EPHA3: variants seen among roughly 807,000 people sequenced by gnomAD.
EPHA3 encodes ephrin type-A receptor 3.
A neutral mutation model predicts 107.1 loss-of-function variants in EPHA3; 42 were observed. That is an observed-to-expected ratio of 0.39 (90% CI 0.31 to 0.51). The LOEUF (loss-of-function observed/expected upper bound fraction) is 0.51. Among genes scored for constraint, EPHA3 ranks in the 20% least tolerant of loss-of-function variants. The probability of loss-of-function intolerance (pLI) is 0.78; values close to 1 mark genes in which losing one functional copy is unlikely to be tolerated. For missense variants in EPHA3, 1,183 were observed against 1,211.2 expected, an observed-to-expected ratio of 0.98 and a Z score of 0.35; for synonymous variants, 461 against 424.8, an observed-to-expected ratio of 1.09 and a Z score of -1.05.
intron 5 of EPHA3, among the ~76,000 whole-genome samples, chr3:89,383,740 C>A (rs1708558162): frequency 6.6e-6 from 1 of 150,828 alleles, no homozygotes; most frequent in Non-Finnish European, 1.5e-5. Flanking sequence ...GCTCCACCTC[C>A]CGGGTTCACG....
intron 3 of EPHA3, among the ~76,000 whole-genome samples, chr3:89,253,654 T>C (rs778751110): frequency 1.3e-5 from 2 of 152,158 alleles, no homozygotes; most frequent in Non-Finnish European, 2.9e-5. Flanking sequence ...GACATCCTTG[T>C]TTATAAATTT....
intron 2 of EPHA3, among the ~76,000 whole-genome samples, chr3:89,207,905 G>C (rs1164853896): frequency 1.3e-5 from 2 of 152,082 alleles, no homozygotes; most frequent in Admixed American, 1.3e-4. Context: ...CTAAAATTTA[G>C]CAAATGCCTA....
chr3:89,265,460 A>AT (rs1160447754), intron 3 of EPHA3, among the ~76,000 whole-genome samples: 2 of 152,146 alleles, frequency 1.3e-5, no homozygotes, highest in East Asian at 3.9e-4. Context: ...TTATTTTAAT[A>AT]TTTTTTGTAA....
At chr3:89,118,819 A>C (rs1233810992) in intron 1 of EPHA3, among the ~76,000 whole-genome samples, 1 of 152,018 alleles carries the variant, frequency 6.6e-6, no homozygotes, top group Non-Finnish European at 1.5e-5. Context: ...GAAGATGTCA[A>C]ATTCAATGGG....
chr3:89,472,545 G>A lies in EPHA3; in HGVS notation c.2772G>A (p.Trp924Ter). The change falls in exon 16 of 17, where the codon TGG becomes TGA. Residue 924 changes from tryptophan (W) to a stop codon, truncating the protein, a stop_gained. Coordinates refer to ENST00000336596, the MANE Select transcript of EPHA3 (RefSeq NM_005233.6). LOFTEE classifies it high-confidence loss of function. ...RTTGDWLNGV[W>*]TAHCKEIFTG... Reference sequence around the variant, plus strand: ...CAGGTGACTGGCTTAATGGTGTCTGGACAGCACACTGCAAGGAAATCTTCA... The same window carrying A: ...CAGGTGACTGGCTTAATGGTGTCTGAACAGCACACTGCAAGGAAATCTTCA... 1 of 1,614,056 alleles carries A rather than the reference G, an allele frequency of 6.2e-7. No homozygotes were observed. The highest frequency in any genetic ancestry group is 8.5e-7 in the Non-Finnish European group (1 of 1,180,008).
chr3:89,126,646 G>A (rs1174208557), intron 1 of EPHA3, among the ~76,000 whole-genome samples: 1 of 151,348 alleles, frequency 6.6e-6, no homozygotes, highest in Non-Finnish European at 1.5e-5. Context: ...CCTCAAATTG[G>A]TAGTTAAGCT....
intron 2 of EPHA3, among the ~76,000 whole-genome samples, chr3:89,207,588 G>A (rs1481991816): frequency 6.6e-6 from 1 of 151,818 alleles, no homozygotes; most frequent in Non-Finnish European, 1.5e-5. Context: ...AATAGAAATA[G>A]AAAAAACTGT....
At chr3:89,183,443 A>T (rs1705489488) in intron 2 of EPHA3, among the ~76,000 whole-genome samples, 1 of 151,832 alleles carries the variant, frequency 6.6e-6, no homozygotes, top group Admixed American at 6.6e-5. Context: ...CCTACCAAAT[A>T]CCCAAAGATA....
chr3:89,382,127 T>A (rs563277744), intron 5 of EPHA3, among the ~76,000 whole-genome samples: 2 of 152,240 alleles, frequency 1.3e-5, no homozygotes, highest in South Asian at 4.1e-4. Context: ...AGATTATATT[T>A]CTCTACTGCA....
chr3:89,126,391 C>T (rs1704097276), intron 1 of EPHA3, among the ~76,000 whole-genome samples: 1 of 151,564 alleles, frequency 6.6e-6, no homozygotes, highest in African/African-American at 2.4e-5. Context: ...ATTTTCTAAC[C>T]TATTACAAAT....
chr3:89,460,886 T>A (rs1710221564), intron 15 of EPHA3, among the ~76,000 whole-genome samples: 2 of 130,532 alleles, frequency 1.5e-5, no homozygotes, highest in Admixed American at 1.5e-4. Flanking sequence ...GCAGGTTAGT[T>A]ACATATGTAT....
At chr3:89,289,017 A>G (rs551221063) in intron 3 of EPHA3, among the ~76,000 whole-genome samples, 4 of 152,256 alleles carry the variant, frequency 2.6e-5, no homozygotes, top group East Asian at 1.9e-4. Context: ...GGCACCTACT[A>G]TGTGTCAAAT....
chr3:89,451,447 AG>A (rs751825186), intron 15 of EPHA3, among the ~76,000 whole-genome samples: 30 of 152,174 alleles, frequency 2.0e-4, no homozygotes, highest in Non-Finnish European at 3.4e-4. Context: ...TAAGAAAAAA[AG>A]GTTCTTTTAC....
intron 3 of EPHA3, among the ~76,000 whole-genome samples, chr3:89,217,004 G>T (rs1238625184): frequency 6.6e-6 from 1 of 152,054 alleles, no homozygotes; most frequent in Non-Finnish European, 1.5e-5. Context: ...CACAAAGATT[G>T]CTTTGTCAAT....
At chr3:89,426,414 A>T (rs971567003) in intron 11 of EPHA3, among the ~76,000 whole-genome samples, 1 of 151,720 alleles carries the variant, frequency 6.6e-6, no homozygotes, top group East Asian at 1.9e-4. Context: ...AATTCTGTTT[A>T]CTCTTTGTAT....
At chr3:89,143,374 G>T (rs1281290057) in intron 2 of EPHA3, among the ~76,000 whole-genome samples, 1 of 151,442 alleles carries the variant, frequency 6.6e-6, no homozygotes, top group Non-Finnish European at 1.5e-5. Flanking sequence ...TTAAGAATCA[G>T]TCATTAGTAA....
intron 2 of EPHA3, among the ~76,000 whole-genome samples, chr3:89,196,483 C>T (rs552833634): frequency 1.3e-5 from 2 of 148,216 alleles, no homozygotes; most frequent in South Asian, 4.1e-4. Flanking sequence ...TATAGAGTCA[C>T]TAGTGCATAA....
intron 13 of EPHA3, among the ~76,000 whole-genome samples, chr3:89,433,815 C>T (rs962330138): frequency 1.3e-5 from 2 of 152,052 alleles, no homozygotes; most frequent in South Asian, 2.1e-4. Context: ...GGGATCAATA[C>T]CTCAACAGTG....
chr3:89,141,645 C>T (rs1490293382), intron 2 of EPHA3, among the ~76,000 whole-genome samples: 1 of 151,422 alleles, frequency 6.6e-6, no homozygotes, highest in East Asian at 1.9e-4. Flanking sequence ...AAGGCTTTCG[C>T]CTGCAAATAA....
Sources: gnomAD v4.1 joint callset for allele counts (sites outside exome capture counted in the v4.1 genomes callset) on GRCh38, gnomAD v4.1.1 for gene constraint, MANE v1.5 for transcripts, NCBI Gene and HGNC (gene_info 2026-07-23, HGNC 2026-07-21) for gene names.